HMCN1: variants seen among roughly 807,000 people sequenced by gnomAD.
The protein encoded by HMCN1 is hemicentin-1.
A neutral mutation model predicts 625.9 loss-of-function variants in HMCN1; 321 were observed. The observed-to-expected ratio is 0.51, with a 90% CI of 0.47 to 0.56. The LOEUF (loss-of-function observed/expected upper bound fraction) is 0.56, where lower values mean the gene tolerates loss of function less well. HMCN1 is among the 20% of genes least tolerant of loss of function. HMCN1 has a pLI of 0.00. For missense variants in HMCN1, 6,588 were observed against 6,887.3 expected, an observed-to-expected ratio of 0.96 and a Z score of 1.54; for synonymous variants, 2,425 against 2,417.6, an observed-to-expected ratio of 1.00 and a Z score of -0.09.
intron 102 of HMCN1, among the ~76,000 whole-genome samples, chr1:186,172,855 C>T (rs1185107831): frequency 2.6e-5 from 4 of 152,032 alleles, no homozygotes; most frequent in Non-Finnish European, 4.4e-5. Context: ...GAGAATGAAA[C>T]ACCATAAAGA....
At chr1:185,955,918 T>C (rs889553164) in intron 11 of HMCN1, among the ~76,000 whole-genome samples, 2 of 152,202 alleles carry the variant, frequency 1.3e-5, no homozygotes, top group South Asian at 2.1e-4. Flanking sequence ...CCAAATGTTA[T>C]CATTCTTATT....
At chr1:185,972,943 T>C (rs1381308660) in intron 15 of HMCN1, among the ~76,000 whole-genome samples, 1 of 152,156 alleles carries the variant, frequency 6.6e-6, no homozygotes, top group Non-Finnish European at 1.5e-5. Flanking sequence ...ATGTAAATGC[T>C]AAGAACCATG....
chr1:185,853,104 A>G (rs908296352), intron 2 of HMCN1, among the ~76,000 whole-genome samples: 10 of 152,130 alleles, frequency 6.6e-5, no homozygotes, highest in Non-Finnish European at 1.5e-4. Flanking sequence ...TCAAGTTAAC[A>G]TATTTATTTA....
chr1:185,985,951 C>T (rs1651970718), intron 19 of HMCN1, among the ~76,000 whole-genome samples: 1 of 152,042 alleles, frequency 6.6e-6, no homozygotes, highest in Admixed American at 6.6e-5. Context: ...TCTTCCACAC[C>T]CAAATGTCAT....
intron 14 of HMCN1, among the ~76,000 whole-genome samples, chr1:185,968,029 A>T (rs1650543388): frequency 6.6e-6 from 1 of 152,224 alleles, no homozygotes; most frequent in Non-Finnish European, 1.5e-5. Flanking sequence ...AATCTTATAA[A>T]AAGTATATGT....
intron 1 of HMCN1, among the ~76,000 whole-genome samples, chr1:185,798,049 A>ATTTCAATG (rs1225594333): frequency 6.7e-6 from 1 of 148,662 alleles, no homozygotes; most frequent in Non-Finnish European, 1.5e-5. Flanking sequence ...TTGACCTTTA[A>ATTTCAATG]TTTCAATGTT....
intron 97 of HMCN1, among the ~76,000 whole-genome samples, chr1:186,164,081 G>A (rs796714261): frequency 1.2e-4 from 18 of 152,140 alleles, no homozygotes; most frequent in African/African-American, 3.4e-4. Flanking sequence ...CACAGCAACC[G>A]TGCAATGATC....
intron 1 of HMCN1, among the ~76,000 whole-genome samples, chr1:185,778,052 G>T (rs1354654481): frequency 6.6e-6 from 1 of 152,176 alleles, no homozygotes; most frequent in East Asian, 1.9e-4. Context: ...CCCCTAATTG[G>T]GGAACTTTCT....
chr1:185,868,608 C>T (rs1357111163), intron 4 of HMCN1, among the ~76,000 whole-genome samples: 1 of 152,102 alleles, frequency 6.6e-6, no homozygotes, highest in Non-Finnish European at 1.5e-5. Context: ...TTTTCTGAGG[C>T]CTCCCCAACC....
intron 52 of HMCN1, among the ~76,000 whole-genome samples, chr1:186,073,999 A>G (rs2102353250): frequency 6.6e-6 from 1 of 152,154 alleles, no homozygotes; most frequent in South Asian, 2.1e-4. Context: ...ACAGCATTGG[A>G]TGATTATCTT....
intron 4 of HMCN1, among the ~76,000 whole-genome samples, chr1:185,881,347 C>T (rs1664296671): frequency 6.6e-6 from 1 of 152,164 alleles, no homozygotes; most frequent in Admixed American, 6.5e-5. Flanking sequence ...GCAATCTTCC[C>T]CTGAAGTCCA....
At chr1:186,056,699 A>C (rs1657343089) in intron 45 of HMCN1, among the ~76,000 whole-genome samples, 1 of 151,926 alleles carries the variant, frequency 6.6e-6, no homozygotes, top group South Asian at 2.1e-4. Flanking sequence ...AACATTGGGT[A>C]CTCAAAGACA....
chr1:186,048,720 T>C, intron 41 of HMCN1, 23 bp from the exon 42 acceptor site: 2 of 1,424,508 alleles, frequency 1.4e-6, no homozygotes, highest in Non-Finnish European at 9.9e-7. Flanking sequence ...AAGTGTGATT[T>C]CAAAGGATGA....
At chr1:185,771,787 G>T (rs1215041759) in intron 1 of HMCN1, among the ~76,000 whole-genome samples, 2 of 152,122 alleles carry the variant, frequency 1.3e-5, no homozygotes, top group Non-Finnish European at 2.9e-5. Context: ...AGAATCTGTT[G>T]ATACAGATAG....
Position 186,152,816 on chromosome 1 carries a change from T to G in HMCN1, c.14963T>G (p.Ile4988Ser). The part of the protein sequence containing the change: ...LDSDGSLLLD[I>S]VVSGYVLQLQ... Reference sequence around the variant, plus strand: ...TCCGATGGTTCTTTGCTGCTAGATATCGTTGTGAGTGGCTATGTCCTACAG... The same window carrying G: ...TCCGATGGTTCTTTGCTGCTAGATAGCGTTGTGAGTGGCTATGTCCTACAG... Residue 4988 changes from isoleucine (I) to serine (S), a missense_variant, in exon 96 of 107, where the codon ATC (isoleucine) becomes AGC (serine). Physicochemically the swap from Ile to Ser is moderately radical, Grantham distance 142. Coordinates refer to ENST00000271588, the MANE Select transcript of HMCN1 (RefSeq NM_031935.3). The G allele has an allele frequency of 1.2e-6, 2 of 1,614,064 alleles. No homozygotes were observed. The highest frequency in any genetic ancestry group is 2.2e-5 in the South Asian group (2 of 91,084).
intron 103 of HMCN1, among the ~76,000 whole-genome samples, chr1:186,176,323 A>G (rs1191216008): frequency 6.6e-6 from 1 of 152,216 alleles, no homozygotes; most frequent in Non-Finnish European, 1.5e-5. Context: ...TTTTGCCAGT[A>G]TTCCTACCTC....
At chr1:185,796,119 T>C (rs1658355021) in intron 1 of HMCN1, among the ~76,000 whole-genome samples, 1 of 152,204 alleles carries the variant, frequency 6.6e-6, no homozygotes, top group African/African-American at 2.4e-5. Context: ...ACACAGTTTT[T>C]CCATGGACAG....
chr1:186,144,064 C>T (rs992804044), intron 89 of HMCN1, 109 bp from the exon 90 acceptor site: 14 of 927,318 alleles, frequency 1.5e-5, no homozygotes, highest in Non-Finnish European at 2.2e-5. Flanking sequence ...TTTCAATTCT[C>T]TTAGATTGGG....
intron 97 of HMCN1, among the ~76,000 whole-genome samples, chr1:186,158,701 C>G (rs1449221959): frequency 6.6e-6 from 1 of 152,128 alleles, no homozygotes; most frequent in Non-Finnish European, 1.5e-5. Context: ...GAGTCCTTTC[C>G]CCATTGCTTG....
Sources: gnomAD v4.1 joint callset for allele counts (sites outside exome capture counted in the v4.1 genomes callset) on GRCh38, gnomAD v4.1.1 for gene constraint, MANE v1.5 for transcripts, NCBI Gene and HGNC (gene_info 2026-07-23, HGNC 2026-07-21) for gene names.